The following PAMR1 variants were observed in gnomAD, a reference collection of about 807,000 sequenced individuals.
PAMR1 encodes peptidase domain containing associated with muscle regeneration 1.
PAMR1 carries 88 observed loss-of-function variants against 81.8 expected under a neutral mutation model. The observed-to-expected ratio is 1.08, with a 90% confidence interval of 0.91 to 1.28. The LOEUF is 1.28. Ranked by LOEUF, PAMR1 falls within the 50% of genes most tolerant of loss-of-function variation. The probability of loss-of-function intolerance (pLI) is 0.00; values close to 1 mark genes in which losing one functional copy is unlikely to be tolerated. For missense variants in PAMR1, 935 were observed against 919.7 expected, an observed-to-expected ratio of 1.02 and a Z score of -0.21; for synonymous variants, 336 against 345.3, an observed-to-expected ratio of 0.97 and a Z score of 0.30.
chr11:35,521,334 C>G (rs555078794), intron 1 of PAMR1, among the ~76,000 whole-genome samples: 11 of 152,352 alleles, frequency 7.2e-5, no homozygotes, highest in African/African-American at 2.6e-4. Context: ...TTGTTTCCCT[C>G]CATTCACCAT....
chr11:35,505,814 T>C (rs971879100), intron 1 of PAMR1, among the ~76,000 whole-genome samples: 5 of 152,150 alleles, frequency 3.3e-5, no homozygotes, highest in African/African-American at 4.8e-5. Flanking sequence ...AGTCATTCTA[T>C]GTCTTTTAGT....
At chr11:35,508,439 A>T (rs1851011957) in intron 1 of PAMR1, among the ~76,000 whole-genome samples, 1 of 148,794 alleles carries the variant, frequency 6.7e-6, no homozygotes, top group African/African-American at 2.5e-5. Context: ...TCAGTGCTAT[A>T]TATTTACTTT....
intron 6 of PAMR1, among the ~76,000 whole-genome samples, chr11:35,466,844 T>C (rs1352870221): frequency 2.0e-5 from 3 of 151,826 alleles, no homozygotes; most frequent in African/African-American, 4.8e-5. Flanking sequence ...CTGTGCACTC[T>C]AGTTAGAAGT....
rs894822042 is a variant in PAMR1 at position 35,432,693 on chromosome 11, C to T, written c.1826G>A (p.Ser609Asn). ...CAGTGTGTCGTTCTTGAAGCCAGGG[C>T]TCCTCACGTCTGCCAGGACATTCCA... ...AGWNVLADVRSPGFKNDTLRS... is the reference protein window; with the variant it reads ...AGWNVLADVRNPGFKNDTLRS... Residue 609 changes from serine (S) to asparagine (N), a missense_variant, in exon 11 of 11, where the codon AGC becomes AAC. Physicochemically the swap from Ser to Asn is conservative, Grantham distance 46. Coordinates refer to ENST00000619888, the MANE Select transcript of PAMR1 (RefSeq NM_001001991.3). 3 of 1,613,558 alleles carry T rather than the reference C, an allele frequency of 1.9e-6. No individual in the cohort carries two copies. Among genetic ancestry groups the T allele is most frequent in the Admixed American group, 1.7e-5 (1 of 60,030 alleles).
chr11:35,515,834 G>A (rs1851152742), intron 1 of PAMR1, among the ~76,000 whole-genome samples: 1 of 133,932 alleles, frequency 7.5e-6, no homozygotes, highest in South Asian at 2.5e-4. Context: ...AGTCTTTTGG[G>A]ATTCTCTTTT....
At chr11:35,491,760 T>C (rs750092686) in intron 3 of PAMR1, among the ~76,000 whole-genome samples, 14 of 152,322 alleles carry the variant, frequency 9.2e-5, no homozygotes, top group South Asian at 2.1e-4. Flanking sequence ...AAGGCTACCA[T>C]GCAATTGCTT....
At chr11:35,520,070 T>C (rs1851243456) in intron 1 of PAMR1, among the ~76,000 whole-genome samples, 2 of 152,190 alleles carry the variant, frequency 1.3e-5, no homozygotes, top group Admixed American at 6.5e-5. Flanking sequence ...GAGTGCCTAG[T>C]GTTTACCACA....
At chr11:35,500,600 G>A (rs61880927) in intron 1 of PAMR1, among the ~76,000 whole-genome samples, 36,714 of 152,164 alleles carry the variant, frequency 0.24, 5,568 homozygotes, top group Non-Finnish European at 0.33. Context: ...TACCGACCTC[G>A]TCGGGTTAGG....
At chr11:35,471,665 A>G (rs941816834) in intron 4 of PAMR1, among the ~76,000 whole-genome samples, 1 of 152,178 alleles carries the variant, frequency 6.6e-6, no homozygotes, top group African/African-American at 2.4e-5. Context: ...ATCCATGCTT[A>G]TCCAAAAGGG....
intron 1 of PAMR1, among the ~76,000 whole-genome samples, chr11:35,499,795 T>G (rs781155043): frequency 5.3e-5 from 8 of 152,182 alleles, no homozygotes; most frequent in East Asian, 3.8e-4. Context: ...TCCATCTCAG[T>G]CTAAGGGAAT....
intron 3 of PAMR1, among the ~76,000 whole-genome samples, chr11:35,479,937 G>A (rs147836045): frequency 2.6e-5 from 4 of 152,282 alleles, no homozygotes; most frequent in East Asian, 1.9e-4. Context: ...TAAGTACTAC[G>A]TGTTGGCTTT....
intron 1 of PAMR1, among the ~76,000 whole-genome samples, chr11:35,506,198 T>G (rs970180790): frequency 6.6e-6 from 1 of 151,886 alleles, no homozygotes; most frequent in Non-Finnish European, 1.5e-5. Flanking sequence ...TTTAACTTTT[T>G]GTTGTCTCAA....
rs531903487 is a variant in PAMR1, at chr11:35,522,071, T to G, written c.73+3442A>C. 3.3e-5 allele frequency among the ~76,000 whole-genome samples: 5 copies of G among 152,108 alleles called. No homozygotes were observed. In the South Asian group the frequency reaches 1.0e-3, roughly 32 times the overall value. On this transcript the variant is annotated intron_variant, in intron 1 of 10. Transcript: ENST00000619888. Reference sequence around the variant, plus strand: ...CCGAGTAGCTGGGACTACAGGCGCCTGCCACCACGCCCAGCTAATTTTTTG... The same window carrying G: ...CCGAGTAGCTGGGACTACAGGCGCCGGCCACCACGCCCAGCTAATTTTTTG...
At chr11:35,495,641 A>G (rs2135403285) in intron 1 of PAMR1, among the ~76,000 whole-genome samples, 1 of 152,332 alleles carries the variant, frequency 6.6e-6, no homozygotes, top group East Asian at 1.9e-4. Flanking sequence ...AACTCCAGGC[A>G]GGGATCACCA....
At chr11:35,519,511 G>C (rs751136146) in intron 1 of PAMR1, among the ~76,000 whole-genome samples, 11 of 152,156 alleles carry the variant, frequency 7.2e-5, no homozygotes, top group Non-Finnish European at 1.6e-4. Context: ...TTTACCATGG[G>C]ACAAAGAAAT....
At chr11:35,443,998 T>C (rs1856238685) in intron 6 of PAMR1, among the ~76,000 whole-genome samples, 1 of 152,028 alleles carries the variant, frequency 6.6e-6, no homozygotes, top group African/African-American at 2.4e-5. Context: ...TAAATGTCTT[T>C]AAAATTCATA....
At chr11:35,460,514 C>T (rs977455571) in intron 6 of PAMR1, among the ~76,000 whole-genome samples, 1 of 151,992 alleles carries the variant, frequency 6.6e-6, no homozygotes, top group African/African-American at 2.4e-5. Context: ...TGTGATGTTC[C>T]CCTTCCTGTG....
At chr11:35,436,523 A>G (rs1266923445) in intron 8 of PAMR1, among the ~76,000 whole-genome samples, 1 of 152,138 alleles carries the variant, frequency 6.6e-6, no homozygotes, top group Non-Finnish European at 1.5e-5. Flanking sequence ...GGGCTCAAGC[A>G]ATCCACTCAC....
At chr11:35,507,356 C>T (rs1254483921) in intron 1 of PAMR1, among the ~76,000 whole-genome samples, 1 of 152,108 alleles carries the variant, frequency 6.6e-6, no homozygotes, top group Non-Finnish European at 1.5e-5. Flanking sequence ...CTCAAATAGC[C>T]TGACTTTGAA....
Sources: allele counts gnomAD v4.1 joint callset (sites outside exome capture counted in the v4.1 genomes callset), GRCh38; gene constraint gnomAD v4.1.1; transcripts MANE v1.5; gene names NCBI Gene and HGNC (gene_info 2026-07-23, HGNC 2026-07-21).